Variants in PHF21A observed in about 807,000 individuals in gnomAD.
The protein encoded by PHF21A is BHC80a.
A neutral mutation model predicts 82.5 loss-of-function variants in PHF21A; 11 were observed. The observed-to-expected ratio is 0.13, with a 90% CI of 0.08 to 0.22. PHF21A has a LOEUF of 0.22. PHF21A is among the 10% of genes least tolerant of loss of function. The pLI, the probability that PHF21A is intolerant of heterozygous loss-of-function variation, is 1.00. For missense variants in PHF21A, 579 were observed against 837.8 expected (o/e 0.69, Z 3.81); for synonymous variants, 297 against 302.8 (o/e 0.98, Z 0.20).
chr11:45,989,391 A>G (rs1372300312), intron 6 of PHF21A, among the ~76,000 whole-genome samples: 4 of 151,412 alleles, frequency 2.6e-5, no homozygotes, highest in Non-Finnish European at 4.4e-5. Context: ...GCGGTGGCTC[A>G]TGCCTATAAT....
intron 6 of PHF21A, among the ~76,000 whole-genome samples, chr11:46,065,118 C>T (rs2096579408): frequency 6.6e-6 from 1 of 152,174 alleles, no homozygotes; most frequent in Admixed American, 6.6e-5. Context: ...CACCCTTTCT[C>T]TTCCCTGATA....
chr11:46,092,667 C>T (rs1287003081), intron 1 of PHF21A, among the ~76,000 whole-genome samples: 3 of 151,306 alleles, frequency 2.0e-5, no homozygotes, highest in Admixed American at 6.6e-5. Context: ...ATGTATTTGC[C>T]TTATATAAGG....
intron 6 of PHF21A, among the ~76,000 whole-genome samples, chr11:46,060,451 TTA>T (rs909535536): frequency 2.6e-5 from 4 of 152,258 alleles, no homozygotes; most frequent in South Asian, 4.1e-4. Context: ...TCATATAAAA[TTA>T]TGTTATATTA....
intron 1 of PHF21A, among the ~76,000 whole-genome samples, chr11:46,113,226 A>C (rs992580227): frequency 6.6e-6 from 1 of 152,242 alleles, no homozygotes; most frequent in African/African-American, 2.4e-5. Context: ...CCACGTTATC[A>C]CAGCAAGTTT....
intron 6 of PHF21A, among the ~76,000 whole-genome samples, chr11:46,008,526 G>A (rs1471776817): frequency 6.6e-6 from 1 of 152,120 alleles, no homozygotes; most frequent in Non-Finnish European, 1.5e-5. Context: ...GTCAAAGGTA[G>A]AAGACGGGAA....
rs868493510 is a variant in PHF21A, at chr11:46,108,761, T to C, written c.-237+12174A>G. Among the ~76,000 whole-genome samples the C allele has an allele frequency of 3.3e-5, 5 of 152,144 alleles. No homozygotes were observed. In the South Asian group the frequency reaches 1.0e-3, roughly 31 times the overall value. The stretch of plus-strand genomic sequence containing the variant: ...TAACACTCTAAAACGTTGATCGTTA[T>C]ATAAGGACTGACTGAAATAGTGAAT... On this transcript the variant is annotated intron_variant, in intron 1 of 18. Coordinates refer to ENST00000676320, the MANE Select transcript of PHF21A (RefSeq NM_001352027.3).
At chr11:45,982,306 A>G (rs577198454) in intron 6 of PHF21A, among the ~76,000 whole-genome samples, 19 of 152,218 alleles carry the variant, frequency 1.2e-4, no homozygotes, top group African/African-American at 4.3e-4. Context: ...TCAGACAACT[A>G]AAATATCATA....
chr11:46,018,403 T>C (rs901249695), intron 6 of PHF21A, among the ~76,000 whole-genome samples: 4 of 152,202 alleles, frequency 2.6e-5, no homozygotes, highest in African/African-American at 9.7e-5. Flanking sequence ...ATGTACAGTA[T>C]AGTATTAACA....
At chr11:45,938,349 A>G in intron 15 of PHF21A, 37 bp from the exon 16 acceptor site, 1 of 1,571,716 alleles carries the variant, frequency 6.4e-7, no homozygotes, top group Non-Finnish European at 8.7e-7. Flanking sequence ...AAAAGGACAA[A>G]AAAGGTAAAA....
intron 6 of PHF21A, among the ~76,000 whole-genome samples, chr11:46,027,454 C>G (rs1375485104): frequency 2.0e-5 from 3 of 152,192 alleles, no homozygotes; most frequent in Non-Finnish European, 2.9e-5. Flanking sequence ...TTTATAAAGG[C>G]AACTGAGCAC....
rs530544626 is a variant in PHF21A at position 46,106,309 on chromosome 11, A to G, written c.-236-14086T>C. 2.0e-5 allele frequency among the ~76,000 whole-genome samples: 3 copies of G among 152,360 alleles called. No individual in the cohort carries two copies. The East Asian group carries it at 5.8e-4, about 29-fold the overall frequency. On this transcript the variant is annotated intron_variant, in intron 1 of 18. Transcript: ENST00000676320. ...TTCCTAATCTATCTCCCCTGAGCACAAAAGGGTGGGGGGGAACCATCAGCT... is the reference window on the plus strand; with the variant it reads ...TTCCTAATCTATCTCCCCTGAGCACGAAAGGGTGGGGGGGAACCATCAGCT...
At chr11:46,054,965 TA>T (rs1298753952) in intron 6 of PHF21A, among the ~76,000 whole-genome samples, 2 of 152,224 alleles carry the variant, frequency 1.3e-5, no homozygotes, top group Admixed American at 6.6e-5. Flanking sequence ...CTAAGCATTT[TA>T]TTTTAGTTTA....
rs550421924 is a variant in PHF21A at position 45,957,869 on chromosome 11, T to C, written c.997-4244A>G. Among the ~76,000 whole-genome samples the C allele has an allele frequency of 3.4e-5, 5 of 148,268 alleles. No individual in the cohort carries two copies. In the South Asian group the frequency reaches 1.1e-3, roughly 32 times the overall value. On this transcript the variant is annotated intron_variant, in intron 10 of 18. Coordinates refer to ENST00000676320, the MANE Select transcript of PHF21A (RefSeq NM_001352027.3). ...TGAATCTTCGAAAAGAATAACAAAA[T>C]CGACAAACCTCTGGCTTAGACTAAG...
At chr11:46,060,691 T>TA (rs1259795261) in intron 6 of PHF21A, among the ~76,000 whole-genome samples, 1 of 152,246 alleles carries the variant, frequency 6.6e-6, no homozygotes, top group African/African-American at 2.4e-5. Context: ...TAAATTTGTT[T>TA]AAGTTCCATA....
chr11:45,969,169 A>T (rs1591399153), intron 9 of PHF21A, among the ~76,000 whole-genome samples: 1 of 152,298 alleles, frequency 6.6e-6, no homozygotes, highest in East Asian at 1.9e-4. Context: ...AGGAACTCTC[A>T]GCCTTCCTAC....
chr11:45,979,733 C>A (rs1290806620), intron 7 of PHF21A, 27 bp downstream of exon 7: 1 of 1,612,818 alleles, frequency 6.2e-7, no homozygotes, highest in Non-Finnish European at 8.5e-7. Flanking sequence ...CAATCTGCAG[C>A]CTGCAATGTT....
chr11:45,963,786 T>G (rs1238676005), intron 10 of PHF21A, among the ~76,000 whole-genome samples: 2 of 152,224 alleles, frequency 1.3e-5, no homozygotes, highest in African/African-American at 4.8e-5. Context: ...TGAGAGCCAG[T>G]GCAAAACAAC....
intron 18 of PHF21A, 76 bp from the exon 19 acceptor site, chr11:45,934,301 G>T (rs892558907): frequency 4.9e-6 from 7 of 1,417,928 alleles, no homozygotes; most frequent in Non-Finnish European, 6.7e-6. Flanking sequence ...AGAGCAGAGC[G>T]CCTTCTCTCT....
At chr11:46,109,337 T>TATAC (rs1257803343) in intron 1 of PHF21A, among the ~76,000 whole-genome samples, 3 of 152,182 alleles carry the variant, frequency 2.0e-5, no homozygotes, top group African/African-American at 7.2e-5. Flanking sequence ...GGCTTAGCAC[T>TATAC]ATACATAATA....
Sources: gnomAD v4.1 joint callset for allele counts (sites outside exome capture counted in the v4.1 genomes callset) on GRCh38, gnomAD v4.1.1 for gene constraint, MANE v1.5 for transcripts, NCBI Gene and HGNC (gene_info 2026-07-23, HGNC 2026-07-21) for gene names.